NCALD: variants seen among roughly 807,000 people sequenced by gnomAD.
NCALD encodes neurocalcin-delta.
A neutral mutation model predicts 18.6 loss-of-function variants in NCALD; 10 were observed. The observed-to-expected ratio is 0.54, with a 90% CI of 0.33 to 0.91. The LOEUF is 0.91. Ranked by LOEUF, NCALD falls within the 40% of genes least tolerant of loss-of-function variation. NCALD has a pLI of 0.03. For synonymous variants in NCALD, 88 were observed against 87.4 expected (o/e 1.01, Z -0.04); for missense variants, 184 against 247.6 (o/e 0.74, Z 1.72).
At chr8:101,750,833 T>C (rs1810626107) in intron 1 of NCALD, 1 of 152,184 alleles carries the variant, frequency 6.6e-6, no homozygotes, top group Admixed American at 6.5e-5. Context: ...CTCTGGGAGA[T>C]GTTTGCACTT....
At chr8:101,981,699 G>A (rs1451208568) in intron 2 of NCALD, among the ~76,000 whole-genome samples, 1 of 152,176 alleles carries the variant, frequency 6.6e-6, no homozygotes, top group Non-Finnish European at 1.5e-5. Flanking sequence ...ATCTTTTTAT[G>A]GCTACATCTG....
intron 1 of NCALD, among the ~76,000 whole-genome samples, chr8:102,060,995 G>A (rs1272353628): frequency 6.6e-6 from 1 of 152,062 alleles, no homozygotes; most frequent in African/African-American, 2.4e-5. Flanking sequence ...TAGCTTGATC[G>A]TGCTCTTTCA....
intron 2 of NCALD, among the ~76,000 whole-genome samples, chr8:101,926,760 A>G (rs1434670814): frequency 6.6e-6 from 1 of 152,190 alleles, no homozygotes; most frequent in African/African-American, 2.4e-5. Flanking sequence ...TGCCACTTGT[A>G]TCATGGCCAG....
In NCALD at chr8:101,686,716, C is replaced by T. The variant is rs1814488054; in HGVS notation, c.*2593G>A. Reference sequence around the variant, plus strand: ...CCTCCCACTCTGAATGATGTATGAACAGTTGAGCACTCTGTAGAATCCTTC... The same window carrying T: ...CCTCCCACTCTGAATGATGTATGAATAGTTGAGCACTCTGTAGAATCCTTC... On this transcript the variant is annotated 3_prime_UTR_variant, in exon 4 of 4. Coordinates refer to ENST00000220931, the MANE Select transcript of NCALD (RefSeq NM_032041.3). 6.6e-6 allele frequency: 1 copy of T among 152,590 alleles called. No homozygotes were observed. The highest frequency in any genetic ancestry group is 2.4e-5 in the African/African-American group (1 of 41,418). 9.5% of individuals were successfully genotyped at this position (152,590 alleles called of 1,614,324 possible).
intron 2 of NCALD, among the ~76,000 whole-genome samples, chr8:101,704,307 TAAC>T (rs1815408109): frequency 6.6e-6 from 1 of 152,054 alleles, no homozygotes; most frequent in Admixed American, 6.6e-5. Context: ...TACTTGAAAT[TAAC>T]AACAACAAAA....
intron 4 of NCALD, among the ~76,000 whole-genome samples, chr8:101,837,597 C>T (rs992596116): frequency 1.3e-5 from 2 of 152,312 alleles, no homozygotes; most frequent in African/African-American, 2.4e-5. Context: ...CCACCTACTA[C>T]CACTGATAGG....
chr8:101,727,422 A>G (rs1279219490), intron 1 of NCALD, among the ~76,000 whole-genome samples: 1 of 152,114 alleles, frequency 6.6e-6, no homozygotes, highest in Non-Finnish European at 1.5e-5. Flanking sequence ...GCCCCAATCT[A>G]TTCTCTACTC....
At chr8:101,760,127 G>A (rs546516699) in intron 1 of NCALD, among the ~76,000 whole-genome samples, 17 of 152,246 alleles carry the variant, frequency 1.1e-4, no homozygotes, top group African/African-American at 4.1e-4. Flanking sequence ...GATTAGGTCT[G>A]GTTAGAGAAC....
At chr8:101,867,491 T>C (rs573229127) in intron 4 of NCALD, among the ~76,000 whole-genome samples, 1 of 152,350 alleles carries the variant, frequency 6.6e-6, no homozygotes, top group East Asian at 1.9e-4. Context: ...AATTTTGAAC[T>C]TCAGCTTTGT....
At chr8:101,710,035 G>A (rs778003172) in intron 2 of NCALD, among the ~76,000 whole-genome samples, 5 of 152,324 alleles carry the variant, frequency 3.3e-5, no homozygotes, top group Non-Finnish European at 4.4e-5. Context: ...CAAGACCAAC[G>A]CAGAAGATGG....
At chr8:101,845,868 C>G (rs956138876) in intron 4 of NCALD, among the ~76,000 whole-genome samples, 1 of 152,172 alleles carries the variant, frequency 6.6e-6, no homozygotes, top group Non-Finnish European at 1.5e-5. Flanking sequence ...AACTATCAGC[C>G]ATTCCACTCT....
chr8:101,866,511 A>T (rs1815776703), intron 4 of NCALD, among the ~76,000 whole-genome samples: 1 of 152,200 alleles, frequency 6.6e-6, no homozygotes, highest in Non-Finnish European at 1.5e-5. Flanking sequence ...ATAGATGTTT[A>T]GGACTTAATA....
At chr8:101,701,342 C>T (rs915398956) in intron 2 of NCALD, among the ~76,000 whole-genome samples, 1 of 152,162 alleles carries the variant, frequency 6.6e-6, no homozygotes, top group African/African-American at 2.4e-5. Flanking sequence ...GGCTACTTCC[C>T]TACTTTATTT....
At chr8:102,081,937 C>T (rs1011540865) in intron 1 of NCALD, among the ~76,000 whole-genome samples, 3 of 152,026 alleles carry the variant, frequency 2.0e-5, no homozygotes, top group Non-Finnish European at 4.4e-5. Context: ...TTAGAGTGGC[C>T]CCAACCTACT....
chr8:101,816,402 C>G (rs1813497628), intron 4 of NCALD, among the ~76,000 whole-genome samples: 1 of 152,162 alleles, frequency 6.6e-6, no homozygotes, highest in African/African-American at 2.4e-5. Context: ...GGTGGAAAGT[C>G]ATGGCTGGAA....
At chr8:102,071,246 C>A (rs1278026229) in intron 1 of NCALD, among the ~76,000 whole-genome samples, 1 of 152,112 alleles carries the variant, frequency 6.6e-6, no homozygotes, top group Non-Finnish European at 1.5e-5. Context: ...ACACCTGTGG[C>A]AATCCTTGCA....
At chr8:102,123,524 G>T (rs1444954388) in intron 1 of NCALD, among the ~76,000 whole-genome samples, 1 of 151,104 alleles carries the variant, frequency 6.6e-6, no homozygotes, top group Non-Finnish European at 1.5e-5. Context: ...CTCCCGGGCT[G>T]ATACAACCCA....
At chr8:101,739,210 C>T (rs993307605) in intron 1 of NCALD, among the ~76,000 whole-genome samples, 2 of 152,034 alleles carry the variant, frequency 1.3e-5, no homozygotes, top group Non-Finnish European at 2.9e-5. Context: ...CCTCATGGCT[C>T]CTTACCTCCT....
At chr8:101,860,062 G>A (rs1815477486) in intron 4 of NCALD, among the ~76,000 whole-genome samples, 1 of 152,182 alleles carries the variant, frequency 6.6e-6, no homozygotes, top group Non-Finnish European at 1.5e-5. Flanking sequence ...AAGCAGCATT[G>A]TACTTAAGAA....
Sources: gnomAD v4.1 joint callset for allele counts (sites outside exome capture counted in the v4.1 genomes callset) on GRCh38, gnomAD v4.1.1 for gene constraint, MANE v1.5 for transcripts, NCBI Gene and HGNC (gene_info 2026-07-23, HGNC 2026-07-21) for gene names.